GPC6: variants seen among roughly 807,000 people sequenced by gnomAD.
The protein encoded by GPC6 is glypican 6.
Under a neutral mutation model 55.2 loss-of-function variants are expected in GPC6, and 14 were observed. The ratio of observed to expected loss-of-function variants is 0.25; its 90% CI spans 0.17 to 0.40. The LOEUF (loss-of-function observed/expected upper bound fraction) is 0.40, where lower values mean the gene tolerates loss of function less well. Among genes scored for constraint, GPC6 ranks in the 10% least tolerant of loss-of-function variants. The pLI is 1.00. For synonymous variants in GPC6, 278 were observed against 259.6 expected (o/e 1.07, Z -0.68); for missense variants, 641 against 708.5 (o/e 0.90, Z 1.08).
At chr13:93,310,978 AT>A (rs1382962717) in intron 1 of GPC6, among the ~76,000 whole-genome samples, 3 of 152,192 alleles carry the variant, frequency 2.0e-5, no homozygotes, top group African/African-American at 7.2e-5. Context: ...TGATGAAAAA[AT>A]ATTGAGTAGG....
chr13:94,288,865 TATTTGTTATATATATAA>T (rs1874730140), intron 5 of GPC6, among the ~76,000 whole-genome samples: 1 of 44,570 alleles, frequency 2.2e-5, no homozygotes, highest in Non-Finnish European at 4.9e-5. Flanking sequence ...TAAATATATA[TATTTGTTATATATATAA>T]CTAATATATA....
chr13:93,510,943 T>G (rs555631008), intron 1 of GPC6, among the ~76,000 whole-genome samples: 3 of 22,928 alleles, frequency 1.3e-4, no homozygotes, highest in East Asian at 1.0e-3. Context: ...TATGTTTTCT[T>G]TTGAGAAATA....
intron 6 of GPC6, among the ~76,000 whole-genome samples, chr13:94,317,456 G>A (rs1189407879): frequency 6.6e-6 from 1 of 152,158 alleles, no homozygotes; most frequent in Non-Finnish European, 1.5e-5. Flanking sequence ...CATAGAGGCA[G>A]CAAACTGCCC....
chr13:93,513,913 G>A (rs1881081561), intron 1 of GPC6, among the ~76,000 whole-genome samples: 1 of 101,312 alleles, frequency 9.9e-6, no homozygotes, highest in Non-Finnish European at 1.8e-5. Flanking sequence ...CACTCTCGTT[G>A]CCCAGGCTGG....
At chr13:93,695,535 C>G (rs1158261131) in intron 2 of GPC6, among the ~76,000 whole-genome samples, 1 of 151,876 alleles carries the variant, frequency 6.6e-6, no homozygotes, top group Non-Finnish European at 1.5e-5. Context: ...TTGAAAATAA[C>G]TTTTATAAAT....
At chr13:94,316,580 A>C (rs1024461694) in intron 6 of GPC6, among the ~76,000 whole-genome samples, 5 of 150,784 alleles carry the variant, frequency 3.3e-5, no homozygotes, top group African/African-American at 1.2e-4. Context: ...AGCCGGGCGT[A>C]GTGGCGGGCG....
intron 4 of GPC6, among the ~76,000 whole-genome samples, chr13:94,267,398 T>C (rs1891852479): frequency 6.6e-6 from 1 of 152,148 alleles, no homozygotes. Flanking sequence ...ATGTTTCAAA[T>C]ATTCTTAAGA....
At chr13:93,967,099 G>A (rs1483604742) in intron 3 of GPC6, among the ~76,000 whole-genome samples, 1 of 152,160 alleles carries the variant, frequency 6.6e-6, no homozygotes, top group Admixed American at 6.5e-5. Flanking sequence ...AGAAAAGGAT[G>A]ATGATGAAAA....
intron 7 of GPC6, among the ~76,000 whole-genome samples, chr13:94,394,453 T>C (rs9524477): frequency 0.86 from 130,484 of 152,214 alleles, 56,034 homozygotes; most frequent in Admixed American, 0.89. Context: ...AAAAACAGGA[T>C]GCTGTCATGT....
At chr13:94,233,526 C>A (rs1404084730) in intron 4 of GPC6, among the ~76,000 whole-genome samples, 1 of 152,114 alleles carries the variant, frequency 6.6e-6, no homozygotes, top group African/African-American at 2.4e-5. Context: ...TTTTAAGTTT[C>A]CCACTGTTCT....
chr13:93,312,324 G>C (rs1294204021), intron 1 of GPC6, among the ~76,000 whole-genome samples: 1 of 152,106 alleles, frequency 6.6e-6, no homozygotes, highest in Admixed American at 6.5e-5. Context: ...TGTGTATATA[G>C]TGTGCATTAA....
chr13:93,786,813 C>G (rs141981048), intron 2 of GPC6, among the ~76,000 whole-genome samples: 20 of 152,132 alleles, frequency 1.3e-4, no homozygotes, highest in African/African-American at 4.8e-4. Context: ...TCAGTGAAAC[C>G]AGAACTCAGC....
chr13:93,701,035 G>A (rs776687409), intron 2 of GPC6, among the ~76,000 whole-genome samples: 11 of 152,054 alleles, frequency 7.2e-5, no homozygotes, highest in Non-Finnish European at 1.5e-4. Flanking sequence ...AAGTGCAAAT[G>A]TTAGAAATTA....
intron 1 of GPC6, among the ~76,000 whole-genome samples, chr13:93,278,526 C>T (rs571260585): frequency 3.2e-4 from 48 of 152,266 alleles, no homozygotes; most frequent in African/African-American, 1.1e-3. Context: ...TCTTATAAGA[C>T]ATTTTGATAC....
At chr13:94,382,343 G>A (rs560004642) in intron 6 of GPC6, 71 bp from the exon 7 acceptor site, 42 of 1,539,002 alleles carry the variant, frequency 2.7e-5, no homozygotes, top group Admixed American at 8.3e-5. Flanking sequence ...CCTCGCCTGC[G>A]TACGTCCTTG....
intron 1 of GPC6, among the ~76,000 whole-genome samples, chr13:93,541,237 C>T (rs950190296): frequency 4.2e-5 from 6 of 143,332 alleles, no homozygotes; most frequent in Admixed American, 3.6e-4. Flanking sequence ...CATGTGTTCT[C>T]ATTGTTCAAT....
chr13:94,336,145 G>C (rs1477330086), intron 6 of GPC6, among the ~76,000 whole-genome samples: 1 of 152,130 alleles, frequency 6.6e-6, no homozygotes, highest in Non-Finnish European at 1.5e-5. Context: ...CCGAGCCGCA[G>C]GTGTAGCATT....
At chr13:94,326,661 C>A (rs1311663555) in intron 6 of GPC6, among the ~76,000 whole-genome samples, 1 of 152,216 alleles carries the variant, frequency 6.6e-6, no homozygotes, top group African/African-American at 2.4e-5. Context: ...TCCTTTTCAT[C>A]CAAACTCATT....
intron 4 of GPC6, among the ~76,000 whole-genome samples, chr13:94,074,504 C>T (rs1278031972): frequency 2.0e-5 from 3 of 152,136 alleles, no homozygotes; most frequent in African/African-American, 7.2e-5. Flanking sequence ...CATGTTGTAC[C>T]ACTTGAATTT....
Sources: gnomAD v4.1 joint callset for allele counts (sites outside exome capture counted in the v4.1 genomes callset) on GRCh38, gnomAD v4.1.1 for gene constraint, MANE v1.5 for transcripts, NCBI Gene and HGNC (gene_info 2026-07-23, HGNC 2026-07-21) for gene names.